The following IMPACT variants were observed in gnomAD, a reference collection of about 807,000 sequenced individuals.
IMPACT encodes impact RWD domain protein.
IMPACT carries 35 observed loss-of-function variants against 47.5 expected under a neutral mutation model. The observed-to-expected ratio is 0.74, with a 90% CI of 0.56 to 0.98. IMPACT has a LOEUF of 0.98. Among genes scored for constraint, IMPACT ranks in the 50% least tolerant of loss-of-function variants. IMPACT has a pLI of 0.00. For missense variants in IMPACT, 373 were observed against 394.8 expected, an observed-to-expected ratio of 0.94 and a Z score of 0.47; for synonymous variants, 118 against 125.6, an observed-to-expected ratio of 0.94 and a Z score of 0.40.
chr18:24,439,005 G>C (rs1909021279), intron 5 of IMPACT, among the ~76,000 whole-genome samples: 1 of 152,134 alleles, frequency 6.6e-6, no homozygotes, highest in Non-Finnish European at 1.5e-5. Flanking sequence ...AGGATAGGCT[G>C]GCAGGCTGGG....
At chr18:24,448,744 T>C (rs1023334311) in intron 9 of IMPACT, among the ~76,000 whole-genome samples, 3 of 152,096 alleles carry the variant, frequency 2.0e-5, no homozygotes, top group Non-Finnish European at 4.4e-5. Context: ...CTTCTAAAAT[T>C]TCTCTGATTA....
At chr18:24,438,121 T>C in intron 5 of IMPACT, 81 bp downstream of exon 5, 1 of 668,812 alleles carries the variant, frequency 1.5e-6, no homozygotes, top group South Asian at 1.9e-5. Context: ...TGAAATTTAA[T>C]GTGAAAATCT....
chr18:24,426,833 C>T (rs1286674645), intron 1 of IMPACT, 41 bp downstream of exon 1: 9 of 1,224,070 alleles, frequency 7.4e-6, no homozygotes, highest in East Asian at 3.2e-5. Context: ...GGCTCGGCTC[C>T]GGCTCGCCTC....
At chr18:24,427,204 CCTT>C (rs1908633551) in intron 1 of IMPACT, 1 of 177,406 alleles carries the variant, frequency 5.6e-6, no homozygotes, top group Non-Finnish European at 1.2e-5. Context: ...GAATCTCACT[CCTT>C]CTGGTCCTTG....
chr18:24,430,241 A>G (rs140863597), intron 3 of IMPACT, 81 bp from the exon 4 acceptor site: 1 of 988,966 alleles, frequency 1.0e-6, no homozygotes, highest in African/African-American at 1.6e-5. Context: ...AGCCAAAAAA[A>G]TTTATTTGTG....
In IMPACT at chr18:24,440,485, T is replaced by C; in HGVS notation, c.368-11T>C. The C allele has an allele frequency of 1.2e-6, 2 of 1,611,074 alleles. No homozygotes were observed. Among genetic ancestry groups the C allele is most frequent in the African/African-American group, 1.3e-5 (1 of 74,842 alleles). On this transcript the variant is annotated splice_polypyrimidine_tract_variant and intron_variant, in intron 5 of 10. Coordinates refer to ENST00000284202, the MANE Select transcript of IMPACT (RefSeq NM_018439.4). ...TGCGTCATAAAGTAATTGTGTCTCA[T>C]ATTCACATAGGCCCAGATGTAAAGA...
chr18:24,430,347 C>T lies in IMPACT; in HGVS notation c.244C>T (p.Arg82Cys), dbSNP rs759107422. The stretch of plus-strand genomic sequence containing the variant: ...TGCTCCTTGGCTTAAAGGGCAAGAA[C>T]GTGCGGATTTATCAAATAGCCTTGA... Reference protein sequence around the residue: ...LNAPWLKGQERADLSNSLEEI... With the variant: ...LNAPWLKGQECADLSNSLEEI... Residue 82 changes from arginine to cysteine, a missense_variant, in exon 4 of 11, where the codon CGT (arginine) becomes TGT (cysteine). Arg to Cys is a radical substitution (Grantham distance 180, BLOSUM62 -3). Transcript: ENST00000284202. 3.1e-6 allele frequency: 5 copies of T among 1,596,826 alleles called. No individual in the cohort carries two copies. Among genetic ancestry groups the T allele is most frequent in the African/African-American group, 1.3e-5 (1 of 74,158 alleles).
chr18:24,427,089 C>T (rs958039933), intron 1 of IMPACT: 2 of 354,496 alleles, frequency 5.6e-6, no homozygotes, highest in African/African-American at 4.2e-5. Flanking sequence ...TTTCGATCCC[C>T]ACCCTGCCGC....
At chr18:24,448,031 AG>A in intron 8 of IMPACT, 61 bp from the exon 9 acceptor site, 1 of 922,144 alleles carries the variant, frequency 1.1e-6, no homozygotes, top group South Asian at 1.6e-5. Context: ...ACAAATGTTG[AG>A]GAATAAGTTT....
chr18:24,427,092 C>G (rs1333764504), intron 1 of IMPACT: 1 of 349,274 alleles, frequency 2.9e-6, no homozygotes. Context: ...CGATCCCCAC[C>G]CTGCCGCCGC....
At chr18:24,434,005 A>AT (rs983258140) in intron 4 of IMPACT, among the ~76,000 whole-genome samples, 1 of 152,038 alleles carries the variant, frequency 6.6e-6, no homozygotes, top group African/African-American at 2.4e-5. Context: ...TTTCCATATA[A>AT]TTCCAGCAGA....
chr18:24,438,021 A>G lies in IMPACT; in HGVS notation c.348A>G (p.Lys116=), dbSNP rs180787047. Residue 116 remains lysine (K), a synonymous_variant, in exon 5 of 11, where the codon AAA becomes AAG. Coordinates refer to ENST00000284202, the MANE Select transcript of IMPACT (RefSeq NM_018439.4). ...AAATAAGAGATGTTCTTATACAAAAATCTCAGATGACAGAACCAGGTAGGA... is the reference window on the plus strand; with the variant it reads ...AAATAAGAGATGTTCTTATACAAAAGTCTCAGATGACAGAACCAGGTAGGA... ...VEKIRDVLIQ[K]SQMTEPGPDV... is the part of the protein sequence containing the mutation. 5.2e-6 allele frequency: 8 copies of G among 1,546,070 alleles called. No individual in the cohort carries two copies. In the Admixed American group the frequency reaches 8.9e-5, roughly 17 times the overall value.
Position 24,452,339 on chromosome 18 carries a change from TG to T in IMPACT, c.*1493del, listed in dbSNP as rs1323088644. 1 of 152,226 alleles carries T rather than the reference TG, an allele frequency of 6.6e-6. No homozygotes were observed. The highest frequency in any genetic ancestry group is 2.4e-5 in the African/African-American group (1 of 41,470). 9.4% of individuals were successfully genotyped at this position (152,226 alleles called of 1,614,324 possible). A position where few individuals can be genotyped will look rare whatever the true frequency, so the allele number is the denominator to read the frequency against. ...AGGAGCCATCAGAGAATGACCTTTT[TG>T]TGTTTGGAACACTTGGTTCCATGAA... On this transcript the variant is annotated 3_prime_UTR_variant, in exon 11 of 11. Coordinates refer to ENST00000284202, the MANE Select transcript of IMPACT (RefSeq NM_018439.4).
At chr18:24,438,236 G>A (rs939831879) in intron 5 of IMPACT, among the ~76,000 whole-genome samples, 196 bp downstream of exon 5, 4 of 152,146 alleles carry the variant, frequency 2.6e-5, no homozygotes, top group East Asian at 1.9e-4. Context: ...TAGCCTCTTT[G>A]ATTTTGTATT....
intron 4 of IMPACT, among the ~76,000 whole-genome samples, chr18:24,430,812 A>G (rs185807252): frequency 2.0e-5 from 3 of 152,370 alleles, no homozygotes; most frequent in East Asian, 1.9e-4. Context: ...CAACTTGTCA[A>G]AGTAAATTCA....
chr18:24,439,224 G>C (rs534200569), intron 5 of IMPACT, among the ~76,000 whole-genome samples: 1 of 152,222 alleles, frequency 6.6e-6, no homozygotes, highest in South Asian at 2.1e-4. Context: ...CTAAAATAGT[G>C]TTTAACCAAA....
chr18:24,428,057 C>T lies in IMPACT; in HGVS notation c.165+10C>T, dbSNP rs760914435. 2.0e-5 allele frequency: 32 copies of T among 1,565,086 alleles called. No homozygotes were observed. The East Asian group carries it at 5.3e-4, about 26-fold the overall frequency. ...GACACTTTGCTTGCAGGTACTTTTT[C>T]CCCCTTCCTTGCAGCCATCTTTCAG... On this transcript the variant is annotated intron_variant, in intron 2 of 10. Transcript: ENST00000284202.
rs961484938 is a variant in IMPACT, at chr18:24,452,419, A to G, written c.*1572A>G. 6.6e-6 allele frequency: 1 copy of G among 152,144 alleles called. No homozygotes were observed. Among genetic ancestry groups the G allele is most frequent in the African/African-American group, 2.4e-5 (1 of 41,416 alleles). The allele number at this position is 152,144 out of a possible 1,614,324, so 9.4% of individuals were successfully genotyped here. On this transcript the variant is annotated 3_prime_UTR_variant, in exon 11 of 11. Coordinates refer to ENST00000284202, the MANE Select transcript of IMPACT (RefSeq NM_018439.4). ...ATAATTTAAAAATTAATTATTTTACATAATTAAAGAAGTTAAAAACTATTA... is the reference window on the plus strand; with the variant it reads ...ATAATTTAAAAATTAATTATTTTACGTAATTAAAGAAGTTAAAAACTATTA...
At position 24,452,533 on chromosome 18, in the gene IMPACT, A is replaced by G. The variant is rs781742714; in HGVS notation, c.*1686A>G. ...AACTTACTTTTGCTCCTTTATACAG[A>G]ATTATTAACTATATTTTACTAACTA... On this transcript the variant is annotated 3_prime_UTR_variant, in exon 11 of 11. Coordinates refer to ENST00000284202, the MANE Select transcript of IMPACT (RefSeq NM_018439.4). 1 of 152,162 alleles carries G rather than the reference A, an allele frequency of 6.6e-6. No individual in the cohort carries two copies. The highest frequency in any genetic ancestry group is 1.5e-5 in the Non-Finnish European group (1 of 68,030). The allele number at this position is 152,162 out of a possible 1,614,324, so 9.4% of individuals were successfully genotyped here. A position where few individuals can be genotyped will look rare whatever the true frequency, so the allele number is the denominator to read the frequency against.
Sources: gnomAD v4.1 joint callset for allele counts (sites outside exome capture counted in the v4.1 genomes callset) on GRCh38, gnomAD v4.1.1 for gene constraint, MANE v1.5 for transcripts, NCBI Gene and HGNC (gene_info 2026-07-23, HGNC 2026-07-21) for gene names.